UEVLD: variants seen among roughly 807,000 people sequenced by gnomAD.
UEVLD encodes the protein UEV and lactate/malate dehyrogenase domains.
Under a neutral mutation model 58.6 loss-of-function variants are expected in UEVLD, and 47 were observed. The ratio of observed to expected loss-of-function variants is 0.80; its 90% CI spans 0.63 to 1.02. The LOEUF is 1.02. UEVLD is among the 50% of genes least tolerant of loss of function. UEVLD has a pLI of 0.00. For synonymous variants in UEVLD, 197 were observed against 195.3 expected, an observed-to-expected ratio of 1.01 and a Z score of -0.07; for missense variants, 510 against 550.6, an observed-to-expected ratio of 0.93 and a Z score of 0.74.
chr11:18,588,153 G>T (rs1468798711), intron 1 of UEVLD, among the ~76,000 whole-genome samples: 1 of 152,078 alleles, frequency 6.6e-6, no homozygotes, highest in Non-Finnish European at 1.5e-5. Flanking sequence ...CAAGATTACG[G>T]TTTGTAAATA....
intron 7 of UEVLD, among the ~76,000 whole-genome samples, chr11:18,555,880 T>C (rs74807320): frequency 6.6e-6 from 1 of 152,012 alleles, no homozygotes; most frequent in Non-Finnish European, 1.5e-5. Context: ...ACCCAGGAGT[T>C]TGAGGTTACA....
chr11:18,536,547 C>A, intron 9 of UEVLD, 78 bp from the exon 10 acceptor site: 1 of 1,207,024 alleles, frequency 8.3e-7, no homozygotes, highest in South Asian at 1.2e-5. Context: ...CTTTTGGAGT[C>A]AAGGGTACCT....
rs1274165707 is a variant in UEVLD, at chr11:18,545,273, A to G, written c.887-477T>C. ...TTTTTGGTAGAGACGGGGTTTCACCATGTTGGCCAGGATGGTCTCGATCTC... is the reference window on the plus strand; with the variant it reads ...TTTTTGGTAGAGACGGGGTTTCACCGTGTTGGCCAGGATGGTCTCGATCTC... On this transcript the variant is annotated intron_variant, in intron 8 of 11. Transcript: ENST00000396197. Among the ~76,000 whole-genome samples the G allele has an allele frequency of 3.3e-5, 5 of 151,790 alleles. No homozygotes were observed. The South Asian group carries it at 6.2e-4, about 19-fold the overall frequency.
At chr11:18,564,864 TG>T in intron 6 of UEVLD, 27 bp downstream of exon 6, 1 of 1,506,276 alleles carries the variant, frequency 6.6e-7, no homozygotes, top group Non-Finnish European at 9.2e-7. Flanking sequence ...CTATGATAGA[TG>T]TATTTATAAC....
At chr11:18,536,128 G>A (rs767546986) in intron 10 of UEVLD, among the ~76,000 whole-genome samples, 22 of 152,126 alleles carry the variant, frequency 1.4e-4, no homozygotes, top group South Asian at 4.1e-4. Context: ...GTGGGGCTCA[G>A]ATGTTTAGGT....
chr11:18,539,767 C>T (rs1201739897), intron 9 of UEVLD, among the ~76,000 whole-genome samples: 1 of 152,262 alleles, frequency 6.6e-6, no homozygotes, highest in East Asian at 1.9e-4. Context: ...AGTGCATAAA[C>T]CATTCAGTAA....
intron 2 of UEVLD, among the ~76,000 whole-genome samples, chr11:18,575,820 T>A (rs1408216653): frequency 6.7e-6 from 1 of 149,562 alleles, no homozygotes; most frequent in Non-Finnish European, 1.5e-5. Context: ...CTATAATATG[T>A]GGGGCCATTA....
intron 1 of UEVLD, 40 bp from the exon 2 acceptor site, chr11:18,578,848 G>A (rs1349185653): frequency 1.4e-6 from 2 of 1,423,296 alleles, no homozygotes; most frequent in East Asian, 2.3e-5. Context: ...GAATAAAGCT[G>A]TAAGCAAAAG....
intron 7 of UEVLD, among the ~76,000 whole-genome samples, 185 bp from the exon 8 acceptor site, chr11:18,547,235 G>GT (rs1380305010): frequency 2.0e-5 from 3 of 152,166 alleles, no homozygotes; most frequent in Non-Finnish European, 4.4e-5. Flanking sequence ...AGGATTAAGA[G>GT]TAAGTGTTGA....
At chr11:18,566,309 A>T in intron 5 of UEVLD, 38 bp downstream of exon 5, 1 of 1,611,304 alleles carries the variant, frequency 6.2e-7, no homozygotes, top group Non-Finnish European at 8.5e-7. Flanking sequence ...CTGGTAACTC[A>T]TAACTCTCAA....
chr11:18,534,997 C>T (rs537301112), intron 10 of UEVLD, among the ~76,000 whole-genome samples: 31 of 152,056 alleles, frequency 2.0e-4, no homozygotes, highest in Non-Finnish European at 4.1e-4. Flanking sequence ...CACTACCAAG[C>T]GTAGTACCAT....
At chr11:18,567,435 TCA>T (rs1236850874) in intron 4 of UEVLD, among the ~76,000 whole-genome samples, 2 of 152,210 alleles carry the variant, frequency 1.3e-5, no homozygotes, top group East Asian at 3.8e-4. Flanking sequence ...AGTCTGAGTT[TCA>T]CTATTTATAA....
At chr11:18,544,005 T>G (rs1017642900) in intron 9 of UEVLD, among the ~76,000 whole-genome samples, 44 of 152,360 alleles carry the variant, frequency 2.9e-4, no homozygotes, top group African/African-American at 1.0e-3. Flanking sequence ...GAAAGAGTTC[T>G]ATATATGCTT....
chr11:18,588,361 A>G (rs1853694432), intron 1 of UEVLD, among the ~76,000 whole-genome samples: 1 of 152,156 alleles, frequency 6.6e-6, no homozygotes, highest in South Asian at 2.1e-4. Flanking sequence ...GTTTGAGGTC[A>G]GTGAAGCTGG....
At chr11:18,539,479 G>C (rs1199626220) in intron 9 of UEVLD, among the ~76,000 whole-genome samples, 2 of 152,206 alleles carry the variant, frequency 1.3e-5, no homozygotes, top group African/African-American at 2.4e-5. Flanking sequence ...ATAGAAGGGT[G>C]ATAGGTGGAT....
intron 1 of UEVLD, among the ~76,000 whole-genome samples, chr11:18,583,069 C>T (rs1054989397): frequency 2.6e-5 from 4 of 151,400 alleles, no homozygotes; most frequent in South Asian, 2.1e-4. Flanking sequence ...ATTACAGATG[C>T]GCATCACCAC....
rs1352867941 is a variant in UEVLD, at chr11:18,566,435, A to G, written c.405T>C (p.Phe135=). 1 of 1,614,148 alleles carries G rather than the reference A, an allele frequency of 6.2e-7. No homozygotes were observed. Among genetic ancestry groups the G allele is most frequent in the South Asian group, 1.1e-5 (1 of 91,082 alleles). Residue 135 remains phenylalanine (F), a synonymous_variant, in exon 5 of 12, where the codon TTT becomes TTC. Coordinates refer to ENST00000396197, the MANE Select transcript of UEVLD (RefSeq NM_001040697.4). ...GAGAATACATGGGAAGTTCCTCTTG[A>G]AACTTGGCAATCATTTCTTTAATTA... ...VGLIKEMIAK[F]QEELPMYSLS...
At chr11:18,587,017 G>A (rs1853602552) in intron 1 of UEVLD, among the ~76,000 whole-genome samples, 1 of 152,100 alleles carries the variant, frequency 6.6e-6, no homozygotes, top group Non-Finnish European at 1.5e-5. Flanking sequence ...GGGTGACAGA[G>A]CGAGACTCCG....
chr11:18,559,328 G>C lies in UEVLD; in HGVS notation c.613-998C>G, dbSNP rs562142469. Among the ~76,000 whole-genome samples, 42 of 151,866 alleles carry C rather than the reference G, an allele frequency of 2.8e-4. 1 individual carries two copies. Among genetic ancestry groups the C allele is most frequent in the Non-Finnish European group, 1.0e-4 (7 of 67,970 alleles). Reference sequence around the variant, plus strand: ...ATTCTCCTGTCTCAGCCTGCCAAGTGGCTGGGATTACAGGCGTGCACCACC... The same window carrying C: ...ATTCTCCTGTCTCAGCCTGCCAAGTCGCTGGGATTACAGGCGTGCACCACC... On this transcript the variant is annotated intron_variant, in intron 6 of 11. Transcript: ENST00000396197.
Sources: allele counts gnomAD v4.1 joint callset (sites outside exome capture counted in the v4.1 genomes callset), GRCh38; gene constraint gnomAD v4.1.1; transcripts MANE v1.5; gene names NCBI Gene and HGNC (gene_info 2026-07-23, HGNC 2026-07-21).